CFAP299: variants seen among roughly 807,000 people sequenced by gnomAD.
CFAP299 encodes cilia- and flagella-associated protein 299.
CFAP299 carries 21 observed loss-of-function variants against 27.0 expected under a neutral mutation model. That is an observed-to-expected ratio of 0.78 (90% CI 0.55 to 1.12). The LOEUF is 1.12. CFAP299 is among the 50% of genes most tolerant of loss of function. The pLI, the probability that CFAP299 is intolerant of heterozygous loss-of-function variation, is 0.00. For missense variants in CFAP299, 310 were observed against 276.6 expected, an observed-to-expected ratio of 1.12 and a Z score of -0.86; for synonymous variants, 104 against 98.1, an observed-to-expected ratio of 1.06 and a Z score of -0.36.
rs552517404 is a variant in CFAP299, at chr4:80,351,343, A to G, written c.112-11411A>G. On this transcript the variant is annotated intron_variant, in intron 1 of 5. Transcript: ENST00000358105. The stretch of plus-strand genomic sequence containing the variant: ...CACAGAAATACAGTATGAAACAACA[A>G]TAGCACAAAAGATAGCAGAGGATAA... 4.1e-4 allele frequency among the ~76,000 whole-genome samples: 62 copies of G among 152,314 alleles called. No homozygotes were observed. The South Asian group carries it at 6.6e-3, about 16-fold the overall frequency.
chr4:80,891,761 A>G (rs1192013628), intron 4 of CFAP299, among the ~76,000 whole-genome samples: 2 of 50,250 alleles, frequency 4.0e-5, no homozygotes, highest in Non-Finnish European at 7.8e-5. Flanking sequence ...AACTTAGAGT[A>G]TAATAAAAAA....
intron 3 of CFAP299, among the ~76,000 whole-genome samples, chr4:80,737,622 A>G (rs1396128838): frequency 6.6e-6 from 1 of 152,074 alleles, no homozygotes; most frequent in Non-Finnish European, 1.5e-5. Flanking sequence ...CTGTGATATC[A>G]GTTGTAATGT....
Position 80,940,450 on chromosome 4 carries a change from G to A in CFAP299, c.477-4360G>A, listed in dbSNP as rs539253548. On this transcript the variant is annotated intron_variant, in intron 4 of 5. Transcript: ENST00000358105. The stretch of plus-strand genomic sequence containing the variant: ...CCTAGGCTATGCTGCCTTAGATGAT[G>A]TGGGTAAAGTGTAACTGTTCTTACC... 1.5e-4 allele frequency among the ~76,000 whole-genome samples: 23 copies of A among 152,296 alleles called. No homozygotes were observed. In the East Asian group the frequency reaches 2.9e-3, roughly 19 times the overall value.
At chr4:80,839,488 T>A (rs1578171435) in intron 3 of CFAP299, among the ~76,000 whole-genome samples, 2 of 152,226 alleles carry the variant, frequency 1.3e-5, no homozygotes, top group South Asian at 4.1e-4. Flanking sequence ...TTTGCTTCCC[T>A]CTCCCTCAAG....
intron 3 of CFAP299, among the ~76,000 whole-genome samples, chr4:80,585,386 C>A (rs989971557): frequency 6.6e-6 from 1 of 152,166 alleles, no homozygotes. Flanking sequence ...AACTCTACTC[C>A]AAAGTTTACC....
chr4:80,423,522 C>G (rs1727388239), intron 2 of CFAP299, among the ~76,000 whole-genome samples: 1 of 152,188 alleles, frequency 6.6e-6, no homozygotes, highest in South Asian at 2.1e-4. Context: ...GGGCCAAGGT[C>G]TCAACTGTGT....
intron 2 of CFAP299, among the ~76,000 whole-genome samples, chr4:80,485,873 C>A (rs1370348241): frequency 1.3e-5 from 2 of 152,122 alleles, no homozygotes; most frequent in African/African-American, 2.4e-5. Flanking sequence ...ATGCCTTAGC[C>A]ACTAATAATC....
chr4:80,688,268 C>T (rs1338088403), intron 3 of CFAP299, among the ~76,000 whole-genome samples: 1 of 152,244 alleles, frequency 6.6e-6, no homozygotes, highest in Non-Finnish European at 1.5e-5. Flanking sequence ...CAGCAGTAAC[C>T]TCTGCAGACT....
rs549913005 is a variant in CFAP299, at chr4:80,435,757, G to A, written c.242+72873G>A. 6.6e-5 allele frequency among the ~76,000 whole-genome samples: 10 copies of A among 152,302 alleles called. No homozygotes were observed. The South Asian group carries it at 2.1e-3, about 32-fold the overall frequency. On this transcript the variant is annotated intron_variant, in intron 2 of 5. Coordinates refer to ENST00000358105, the MANE Select transcript of CFAP299 (RefSeq NM_152770.3). ...AGGGAATATTTGTAATTCCTACCTA[G>A]TGGGATGTGATTAATGTCACAGTCC...
At chr4:80,871,232 C>T (rs1233382597) in intron 4 of CFAP299, 1 of 985,448 alleles carries the variant, frequency 1.0e-6, no homozygotes, top group Non-Finnish European at 1.2e-6. Context: ...ATGGACTTAG[C>T]TCTTTCCTGT....
chr4:80,873,472 TG>T (rs1379258122), intron 4 of CFAP299, among the ~76,000 whole-genome samples: 1 of 152,212 alleles, frequency 6.6e-6, no homozygotes, highest in Non-Finnish European at 1.5e-5. Context: ...ACTTTCTTTT[TG>T]ACACACTTGT....
chr4:80,930,026 G>A (rs948928006), intron 4 of CFAP299, among the ~76,000 whole-genome samples: 1 of 152,126 alleles, frequency 6.6e-6, no homozygotes, highest in Non-Finnish European at 1.5e-5. Context: ...CTGCAGGATG[G>A]TTGCATCACC....
chr4:80,931,915 C>A (rs1485021954), intron 4 of CFAP299, among the ~76,000 whole-genome samples: 3 of 152,248 alleles, frequency 2.0e-5, no homozygotes, highest in East Asian at 3.9e-4. Flanking sequence ...TGTAAGGAGA[C>A]AATTGGCTTC....
chr4:80,584,562 G>A (rs1175721746), intron 3 of CFAP299, among the ~76,000 whole-genome samples: 8 of 151,924 alleles, frequency 5.3e-5, no homozygotes, highest in Non-Finnish European at 1.2e-4. Flanking sequence ...TTCCTTCCTT[G>A]GTGTCTGTGA....
intron 2 of CFAP299, among the ~76,000 whole-genome samples, chr4:80,435,062 G>A (rs1000237117): frequency 2.6e-5 from 4 of 152,118 alleles, no homozygotes; most frequent in Admixed American, 1.3e-4. Context: ...TTTTTTGCTG[G>A]GTTAGCAACA....
intron 2 of CFAP299, among the ~76,000 whole-genome samples, chr4:80,372,398 A>T (rs183357006): frequency 6.6e-6 from 1 of 152,232 alleles, no homozygotes; most frequent in African/African-American, 2.4e-5. Context: ...TCGGGATGCA[A>T]CTTTGTATTG....
intron 3 of CFAP299, among the ~76,000 whole-genome samples, chr4:80,692,330 C>T (rs896268497): frequency 6.6e-6 from 1 of 152,130 alleles, no homozygotes; most frequent in African/African-American, 2.4e-5. Flanking sequence ...CAGCATGGTA[C>T]TGGTACCAAA....
Position 80,693,722 on chromosome 4 carries a change from G to A in CFAP299, c.333+110539G>A, listed in dbSNP as rs150942603. ...TTTAAAAAAAAAAAAGAAAGAACTGGCATTCTAAAGCAGTACTGAGTGATC... is the reference window on the plus strand; with the variant it reads ...TTTAAAAAAAAAAAAGAAAGAACTGACATTCTAAAGCAGTACTGAGTGATC... On this transcript the variant is annotated intron_variant, in intron 3 of 5. Transcript: ENST00000358105. Among the ~76,000 whole-genome samples, 597 of 151,230 alleles carry A rather than the reference G, an allele frequency of 3.9e-3. 4 individuals are homozygous for A. The highest frequency in any genetic ancestry group is 0.013 in the African/African-American group (522 of 41,278).
At chr4:80,541,929 C>T (rs866018551) in intron 2 of CFAP299, among the ~76,000 whole-genome samples, 6 of 150,704 alleles carry the variant, frequency 4.0e-5, no homozygotes, top group Middle Eastern at 3.4e-3. Context: ...GTATCAAGGA[C>T]ATTAGGTATA....
Sources: allele counts gnomAD v4.1 joint callset (sites outside exome capture counted in the v4.1 genomes callset), GRCh38; gene constraint gnomAD v4.1.1; transcripts MANE v1.5; gene names NCBI Gene and HGNC (gene_info 2026-07-23, HGNC 2026-07-21).